CDH13: variants seen among roughly 807,000 people sequenced by gnomAD.
The protein encoded by CDH13 is cadherin-13.
CDH13 carries 24 observed loss-of-function variants against 63.8 expected under a neutral mutation model. The observed-to-expected ratio is 0.38, with a 90% CI of 0.27 to 0.53. CDH13 has a LOEUF of 0.53. Among genes scored for constraint, CDH13 ranks in the 20% least tolerant of loss-of-function variants. The pLI, the probability that CDH13 is intolerant of heterozygous loss-of-function variation, is 0.85. For synonymous variants in CDH13, 503 were observed against 355.3 expected (o/e 1.42, Z -4.67); for missense variants, 1,049 against 903.1 (o/e 1.16, Z -2.07).
At chr16:83,693,874 A>G (rs1905128334) in intron 10 of CDH13, among the ~76,000 whole-genome samples, 1 of 152,238 alleles carries the variant, frequency 6.6e-6, no homozygotes, top group Non-Finnish European at 1.5e-5. Flanking sequence ...AAATAACACC[A>G]TGAGTTGTAG....
chr16:83,049,127 C>G (rs1353934875), intron 3 of CDH13, among the ~76,000 whole-genome samples: 1 of 152,026 alleles, frequency 6.6e-6, no homozygotes, highest in Non-Finnish European at 1.5e-5. Flanking sequence ...TAAAATTAAG[C>G]AAGCGATACT....
intron 10 of CDH13, among the ~76,000 whole-genome samples, chr16:83,703,131 T>C (rs770411401): frequency 6.6e-6 from 1 of 152,156 alleles, no homozygotes; most frequent in Admixed American, 6.5e-5. Context: ...AGGAAACATA[T>C]TGTATTGAGT....
At chr16:83,228,504 A>G (rs745599006) in intron 5 of CDH13, among the ~76,000 whole-genome samples, 1 of 152,238 alleles carries the variant, frequency 6.6e-6, no homozygotes, top group Admixed American at 6.5e-5. Flanking sequence ...ATGATTTGCA[A>G]CAATCGACTA....
intron 5 of CDH13, among the ~76,000 whole-genome samples, chr16:83,309,995 C>G (rs77933736): frequency 0.043 from 6,508 of 152,114 alleles, 200 homozygotes; most frequent in Non-Finnish European, 0.066. Flanking sequence ...TGAGTGGGTA[C>G]AAAAGTTCCG....
intron 1 of CDH13, among the ~76,000 whole-genome samples, chr16:82,627,530 G>C (rs1907472589): frequency 6.6e-6 from 1 of 152,180 alleles, no homozygotes; most frequent in African/African-American, 2.4e-5. Context: ...CGACTCCAAC[G>C]AGCCGCGGTT....
intron 7 of CDH13, among the ~76,000 whole-genome samples, chr16:83,498,296 T>C (rs2074194851): frequency 6.6e-6 from 1 of 152,116 alleles, no homozygotes; most frequent in Non-Finnish European, 1.5e-5. Flanking sequence ...ATAAGGAGAA[T>C]CAGAGGACCT....
intron 2 of CDH13, among the ~76,000 whole-genome samples, chr16:83,001,458 C>T (rs528844890): frequency 2.0e-5 from 3 of 152,312 alleles, no homozygotes; most frequent in African/African-American, 4.8e-5. Flanking sequence ...CTCCAATGGG[C>T]CAGTATTCAA....
At chr16:83,307,943 A>G (rs2151882728) in intron 5 of CDH13, among the ~76,000 whole-genome samples, 1 of 152,254 alleles carries the variant, frequency 6.6e-6, no homozygotes, top group South Asian at 2.1e-4. Flanking sequence ...CAAAATATGT[A>G]TTTTTTATGA....
At chr16:82,856,572 A>G (rs2039704071) in intron 1 of CDH13, among the ~76,000 whole-genome samples, 1 of 148,686 alleles carries the variant, frequency 6.7e-6, no homozygotes, top group African/African-American at 2.5e-5. Context: ...CTTGGTGACG[A>G]GTGCCTGTAG....
At chr16:83,271,001 C>T (rs1053394100) in intron 5 of CDH13, among the ~76,000 whole-genome samples, 15 of 150,380 alleles carry the variant, frequency 1.0e-4, no homozygotes, top group African/African-American at 2.9e-4. Context: ...CTCTCTCATT[C>T]CCTTCCTCCC....
chr16:83,379,006 T>TATATATATACACACAC (rs540642910), intron 6 of CDH13, among the ~76,000 whole-genome samples: 2 of 148,932 alleles, frequency 1.3e-5, no homozygotes, highest in Non-Finnish European at 3.0e-5. Context: ...TATATATATA[T>TATATATATACACACAC]ACACACACAC....
chr16:83,781,135 C>G (rs147870762), intron 12 of CDH13, among the ~76,000 whole-genome samples: 2 of 152,080 alleles, frequency 1.3e-5, no homozygotes, highest in South Asian at 4.1e-4. Context: ...AGCAATGTCT[C>G]CTCCCACAAG....
intron 2 of CDH13, among the ~76,000 whole-genome samples, chr16:82,971,988 A>T (rs1574507): frequency 0.13 from 19,180 of 152,188 alleles, 1,489 homozygotes; most frequent in African/African-American, 0.22. Context: ...AGGAAGTCCC[A>T]TTATTGCTGG....
At chr16:82,735,641 A>G (rs931423335) in intron 1 of CDH13, among the ~76,000 whole-genome samples, 2 of 152,220 alleles carry the variant, frequency 1.3e-5, no homozygotes, top group Non-Finnish European at 2.9e-5. Context: ...CACAGTGTCT[A>G]TGAGCTGTGT....
chr16:82,930,947 T>C (rs1185040348), intron 2 of CDH13, among the ~76,000 whole-genome samples: 1 of 152,246 alleles, frequency 6.6e-6, no homozygotes, highest in East Asian at 1.9e-4. Flanking sequence ...GACTTGTGGC[T>C]TTGTCATTTC....
At chr16:83,706,412 AGC>A (rs959354102) in intron 10 of CDH13, among the ~76,000 whole-genome samples, 2 of 152,184 alleles carry the variant, frequency 1.3e-5, no homozygotes, top group Non-Finnish European at 2.9e-5. Flanking sequence ...GAACGAGAGG[AGC>A]GTCAGAAATA....
chr16:83,379,938 T>TATATATATAGAGAG, intron 6 of CDH13, among the ~76,000 whole-genome samples: 11 of 123,454 alleles, frequency 8.9e-5, no homozygotes, highest in South Asian at 2.8e-4. Flanking sequence ...TATATATATA[T>TATATATATAGAGAG]AGAGAGAGAG....
chr16:83,014,146 A>AC (rs1914441442), intron 2 of CDH13, among the ~76,000 whole-genome samples: 3 of 152,014 alleles, frequency 2.0e-5, no homozygotes, highest in African/African-American at 4.8e-5. Flanking sequence ...TCACACACAC[A>AC]AAAAAAGGAA....
chr16:83,488,005 G>T (rs2073930384), intron 7 of CDH13, among the ~76,000 whole-genome samples: 1 of 152,132 alleles, frequency 6.6e-6, no homozygotes, highest in Non-Finnish European at 1.5e-5. Flanking sequence ...TGCTAATTAG[G>T]TTGTCATTTG....
Sources: allele counts gnomAD v4.1 joint callset (sites outside exome capture counted in the v4.1 genomes callset), GRCh38; gene constraint gnomAD v4.1.1; transcripts MANE v1.5; gene names NCBI Gene and HGNC (gene_info 2026-07-23, HGNC 2026-07-21).